GARNL3: variants seen among roughly 807,000 people sequenced by gnomAD.
The protein encoded by GARNL3 is GTPase-activating Rap/Ran-GAP domain-like protein 3.
GARNL3 carries 63 observed loss-of-function variants against 125.0 expected under a neutral mutation model. That is an observed-to-expected ratio of 0.50 (90% CI 0.41 to 0.62). The LOEUF is 0.62. Ranked by LOEUF, GARNL3 falls within the 20% of genes least tolerant of loss-of-function variation. GARNL3 has a pLI of 0.00. For synonymous variants in GARNL3, 439 were observed against 457.5 expected (o/e 0.96, Z 0.52); for missense variants, 994 against 1,244.0 (o/e 0.80, Z 3.02).
intron 1 of GARNL3, among the ~76,000 whole-genome samples, chr9:127,278,379 CT>C (rs2064012798): frequency 6.6e-6 from 1 of 152,188 alleles, no homozygotes; most frequent in African/African-American, 2.4e-5. Flanking sequence ...ATATGCAAAT[CT>C]CTTTTTTCGT....
chr9:127,355,720 A>T (rs560732642), intron 20 of GARNL3, among the ~76,000 whole-genome samples: 2 of 152,194 alleles, frequency 1.3e-5, no homozygotes, highest in African/African-American at 2.4e-5. Flanking sequence ...AAGTCTTCTG[A>T]TGGGGATTAC....
chr9:127,336,869 A>G (rs1829582350), intron 11 of GARNL3, among the ~76,000 whole-genome samples: 1 of 152,222 alleles, frequency 6.6e-6, no homozygotes, highest in Admixed American at 6.5e-5. Flanking sequence ...GTCCCAGACC[A>G]TGACAGCAAA....
intron 22 of GARNL3, among the ~76,000 whole-genome samples, chr9:127,377,702 G>A (rs560655827): frequency 2.7e-5 from 4 of 150,784 alleles, no homozygotes; most frequent in South Asian, 2.1e-4. Context: ...CAGGGGAATC[G>A]CTTGAACTCA....
At chr9:127,349,168 C>T in intron 17 of GARNL3, 133 bp downstream of exon 17, 1 of 680,420 alleles carries the variant, frequency 1.5e-6, no homozygotes, top group Non-Finnish European at 2.6e-6. Context: ...GTTTTATTTC[C>T]TTATGAAATT....
At chr9:127,303,181 C>T (rs531098068) in intron 2 of GARNL3, among the ~76,000 whole-genome samples, 1 of 152,110 alleles carries the variant, frequency 6.6e-6, no homozygotes, top group African/African-American at 2.4e-5. Context: ...TAAATATTCC[C>T]AAGATATTTT....
chr9:127,331,505 A>G (rs1391203390), intron 7 of GARNL3, among the ~76,000 whole-genome samples: 1 of 125,400 alleles, frequency 8.0e-6, no homozygotes, highest in Admixed American at 7.4e-5. Context: ...AAAAAGAAAG[A>G]AAAAAAAAAA....
intron 7 of GARNL3, among the ~76,000 whole-genome samples, chr9:127,328,648 A>G (rs1360007184): frequency 2.0e-5 from 3 of 152,154 alleles, no homozygotes; most frequent in Non-Finnish European, 2.9e-5. Flanking sequence ...AAGAGTAACA[A>G]GGAACCAGGG....
At chr9:127,237,677 A>G (rs1339964492) in intron 1 of GARNL3, among the ~76,000 whole-genome samples, 2 of 152,256 alleles carry the variant, frequency 1.3e-5, no homozygotes, top group Non-Finnish European at 2.9e-5. Flanking sequence ...TGGCATGCCC[A>G]TGTGGGAACC....
At chr9:127,267,341 C>T (rs2063726603) in intron 1 of GARNL3, among the ~76,000 whole-genome samples, 1 of 152,086 alleles carries the variant, frequency 6.6e-6, no homozygotes. Context: ...CTTGTGGTAC[C>T]TTCCAGTCCT....
Position 127,360,027 on chromosome 9 carries a change from G to A in GARNL3, c.2094+2650G>A, listed in dbSNP as rs183343899. Among the ~76,000 whole-genome samples, 8 of 147,104 alleles carry A rather than the reference G, an allele frequency of 5.4e-5. No homozygotes were observed. In the East Asian group the frequency reaches 1.7e-3, roughly 32 times the overall value. ...CTAAGAGAAAAAAAAATGTATTTTT[G>A]TTGTTGTTGTTGAGACTGAGTCTCG... is the stretch of plus-strand genomic sequence containing the variant. On this transcript the variant is annotated intron_variant, in intron 21 of 27. Coordinates refer to ENST00000373387, the MANE Select transcript of GARNL3 (RefSeq NM_032293.5).
chr9:127,291,340 T>C (rs2064409321), intron 2 of GARNL3, 98 bp downstream of exon 2: 13 of 1,028,656 alleles, frequency 1.3e-5, no homozygotes, highest in Non-Finnish European at 1.9e-5. Context: ...TAAATAGAGC[T>C]TTTCAGAGCT....
intron 16 of GARNL3, among the ~76,000 whole-genome samples, chr9:127,348,422 T>C (rs892234688): frequency 2.6e-5 from 4 of 151,966 alleles, no homozygotes; most frequent in African/African-American, 9.7e-5. Flanking sequence ...TTTTGTATCT[T>C]ATGTGGGTCA....
At chr9:127,296,751 A>C (rs2064607510) in intron 2 of GARNL3, among the ~76,000 whole-genome samples, 1 of 151,888 alleles carries the variant, frequency 6.6e-6, no homozygotes, top group African/African-American at 2.4e-5. Flanking sequence ...GATTACAGGC[A>C]TGAACCACCA....
At chr9:127,254,420 C>T (rs2063459686) in intron 2 of GARNL3, among the ~76,000 whole-genome samples, 1 of 152,078 alleles carries the variant, frequency 6.6e-6, no homozygotes, top group Non-Finnish European at 1.5e-5. Context: ...AAAAGAAAAA[C>T]AACTATCTGG....
intron 1 of GARNL3, among the ~76,000 whole-genome samples, chr9:127,268,664 C>T (rs1424041353): frequency 6.6e-6 from 1 of 152,218 alleles, no homozygotes; most frequent in Non-Finnish European, 1.5e-5. Flanking sequence ...CTGCTATACA[C>T]TTTCAGAATG....
At chr9:127,360,181 C>G (rs1041761379) in intron 21 of GARNL3, among the ~76,000 whole-genome samples, 14 of 152,046 alleles carry the variant, frequency 9.2e-5, no homozygotes, top group African/African-American at 3.4e-4. Context: ...AGCCACCATG[C>G]CCAGCTAATT....
chr9:127,357,663 C>A (rs770540477), intron 21 of GARNL3, among the ~76,000 whole-genome samples: 1 of 152,002 alleles, frequency 6.6e-6, no homozygotes, highest in Non-Finnish European at 1.5e-5. Flanking sequence ...AAAGGCCGGG[C>A]ACAATGGCTC....
rs1201947605 is a variant in GARNL3, at chr9:127,353,829, C to T, written c.1544-17C>T. ...GGGCTGGGTTGCAGTGATGGGTAACCAGGTTTCCTTTTCCAGATGACCTTC... is the reference window on the plus strand; with the variant it reads ...GGGCTGGGTTGCAGTGATGGGTAACTAGGTTTCCTTTTCCAGATGACCTTC... On this transcript the variant is annotated splice_polypyrimidine_tract_variant and intron_variant, in intron 17 of 27. Coordinates refer to ENST00000373387, the MANE Select transcript of GARNL3 (RefSeq NM_032293.5). 2 of 1,572,586 alleles carry T rather than the reference C, an allele frequency of 1.3e-6. No individual in the cohort carries two copies. Among genetic ancestry groups the T allele is most frequent in the Admixed American group, 3.3e-5 (2 of 59,954 alleles).
intron 21 of GARNL3, chr9:127,362,156 C>T (rs1330541696): frequency 6.6e-6 from 1 of 151,572 alleles, no homozygotes; most frequent in African/African-American, 2.4e-5. Flanking sequence ...CTGCAACCTC[C>T]ACCTCCCAGG....
Sources: allele counts gnomAD v4.1 joint callset (sites outside exome capture counted in the v4.1 genomes callset), GRCh38; gene constraint gnomAD v4.1.1; transcripts MANE v1.5; gene names NCBI Gene and HGNC (gene_info 2026-07-23, HGNC 2026-07-21).